Variants in GPR149 observed in about 807,000 individuals in gnomAD.
GPR149 encodes probable G protein-coupled receptor 149.
A neutral mutation model predicts 50.2 loss-of-function variants in GPR149; 50 were observed. That is an observed-to-expected ratio of 1.00 (90% CI 0.79 to 1.26). The LOEUF (loss-of-function observed/expected upper bound fraction) is 1.26, where lower values mean the gene tolerates loss of function less well. Ranked by LOEUF, GPR149 falls within the 50% of genes most tolerant of loss-of-function variation. The probability of loss-of-function intolerance (pLI) is 0.00; values close to 1 mark genes in which losing one functional copy is unlikely to be tolerated. For synonymous variants in GPR149, 405 were observed against 358.2 expected (o/e 1.13, Z -1.48); for missense variants, 983 against 895.4 (o/e 1.10, Z -1.25).
chr3:154,393,035 C>A (rs529754658), intron 3 of GPR149, among the ~76,000 whole-genome samples: 11 of 152,160 alleles, frequency 7.2e-5, no homozygotes, highest in African/African-American at 2.6e-4. Flanking sequence ...TCTTCTCAAT[C>A]TCCTCTAAAG....
intron 3 of GPR149, among the ~76,000 whole-genome samples, chr3:154,342,707 C>T (rs766334125): frequency 1.3e-5 from 2 of 152,130 alleles, no homozygotes; most frequent in African/African-American, 2.4e-5. Flanking sequence ...CATGCCTGGC[C>T]TTACAAATAA....
chr3:154,354,204 C>A, intron 3 of GPR149: 1 of 493,834 alleles, frequency 2.0e-6, no homozygotes, highest in South Asian at 1.6e-5. Flanking sequence ...TTTGATTTCT[C>A]ATCTGGGTCA....
intron 3 of GPR149, among the ~76,000 whole-genome samples, chr3:154,380,647 A>G (rs1436668692): frequency 1.3e-5 from 2 of 152,154 alleles, no homozygotes; most frequent in Non-Finnish European, 2.9e-5. Flanking sequence ...CTTGAAATCA[A>G]TTAAATTCAA....
chr3:154,383,507 T>C (rs1397515380), intron 3 of GPR149, among the ~76,000 whole-genome samples: 1 of 152,136 alleles, frequency 6.6e-6, no homozygotes, highest in Non-Finnish European at 1.5e-5. Flanking sequence ...ATCGAAGTAG[T>C]TAAAAAAAAT....
At chr3:154,377,268 T>C (rs1322011149) in intron 3 of GPR149, among the ~76,000 whole-genome samples, 5 of 151,104 alleles carry the variant, frequency 3.3e-5, no homozygotes, top group Admixed American at 2.6e-4. Context: ...GGATGTTTTG[T>C]CCTTAAATTT....
intron 3 of GPR149, among the ~76,000 whole-genome samples, chr3:154,355,509 C>T (rs545163939): frequency 2.7e-4 from 41 of 152,156 alleles, no homozygotes; most frequent in Admixed American, 8.5e-4. Context: ...CTAATAGAAA[C>T]GAAACCTCTA....
chr3:154,390,196 A>C (rs1160100868), intron 3 of GPR149, among the ~76,000 whole-genome samples: 1 of 152,160 alleles, frequency 6.6e-6, no homozygotes, highest in African/African-American at 2.4e-5. Context: ...GTCGAGAATA[A>C]AGAAACAGGA....
At chr3:154,347,526 A>G (rs1713960136) in intron 3 of GPR149, among the ~76,000 whole-genome samples, 2 of 152,384 alleles carry the variant, frequency 1.3e-5, no homozygotes, top group African/African-American at 4.8e-5. Flanking sequence ...TATGGGAACT[A>G]CAATTCAAGA....
At chr3:154,428,596 GCA>G (rs1253071267) in intron 1 of GPR149, 37 bp downstream of exon 1, 1 of 1,585,724 alleles carries the variant, frequency 6.3e-7, no homozygotes, top group African/African-American at 1.4e-5. Flanking sequence ...ACACTGTCTG[GCA>G]CACACACTCG....
At chr3:154,415,573 T>G (rs975735922) in intron 3 of GPR149, among the ~76,000 whole-genome samples, 16 of 152,022 alleles carry the variant, frequency 1.1e-4, no homozygotes, top group Admixed American at 3.3e-4. Context: ...TGCTGTGAAG[T>G]GGAGAAAAGC....
intron 3 of GPR149, among the ~76,000 whole-genome samples, chr3:154,342,353 T>C (rs1187737091): frequency 6.6e-6 from 1 of 152,166 alleles, no homozygotes; most frequent in African/African-American, 2.4e-5. Flanking sequence ...GGCAAAACAA[T>C]TAAAGAAAAA....
chr3:154,423,457 C>T (rs952615014), intron 2 of GPR149, among the ~76,000 whole-genome samples: 4 of 151,780 alleles, frequency 2.6e-5, no homozygotes, highest in African/African-American at 9.7e-5. Context: ...AGCAGAATTA[C>T]ACAATGTGCT....
At chr3:154,414,205 A>G (rs1476160844) in intron 3 of GPR149, among the ~76,000 whole-genome samples, 1 of 152,022 alleles carries the variant, frequency 6.6e-6, no homozygotes, top group Non-Finnish European at 1.5e-5. Flanking sequence ...CATTGGGTAC[A>G]GTGTACACTA....
chr3:154,354,796 G>T, intron 3 of GPR149: 1 of 668,336 alleles, frequency 1.5e-6, no homozygotes, highest in South Asian at 2.5e-5. Context: ...AGTTTCCCAG[G>T]CATTACTGGC....
intron 3 of GPR149, among the ~76,000 whole-genome samples, chr3:154,378,087 C>CA (rs1553764603): frequency 7.9e-6 from 1 of 126,108 alleles, no homozygotes; most frequent in Admixed American, 8.7e-5. Context: ...ATCCCCCCCC[C>CA]CTTTTTTTTT....
chr3:154,403,875 G>A (rs1461874995), intron 3 of GPR149, among the ~76,000 whole-genome samples: 1 of 152,158 alleles, frequency 6.6e-6, no homozygotes, highest in East Asian at 1.9e-4. Context: ...CCATATGGGT[G>A]CTGCTCAGTA....
chr3:154,410,267 A>G (rs1711799810), intron 3 of GPR149, among the ~76,000 whole-genome samples: 1 of 152,172 alleles, frequency 6.6e-6, no homozygotes, highest in Admixed American at 6.5e-5. Context: ...AAATACACCA[A>G]AACAGAACCC....
At chr3:154,376,345 C>T (rs1251338012) in intron 3 of GPR149, among the ~76,000 whole-genome samples, 1 of 152,186 alleles carries the variant, frequency 6.6e-6, no homozygotes. Context: ...AGTTTCTCTG[C>T]TATATATCAA....
chr3:154,383,264 G>A (rs1714972994), intron 3 of GPR149, among the ~76,000 whole-genome samples: 1 of 152,148 alleles, frequency 6.6e-6, no homozygotes, highest in African/African-American at 2.4e-5. Context: ...AACAGGAATG[G>A]GGGCGAGACA....
Sources: gnomAD v4.1 joint callset for allele counts (sites outside exome capture counted in the v4.1 genomes callset) on GRCh38, gnomAD v4.1.1 for gene constraint, MANE v1.5 for transcripts, NCBI Gene and HGNC (gene_info 2026-07-23, HGNC 2026-07-21) for gene names.